Variants in EFCAB11 observed in about 807,000 individuals in gnomAD.
EFCAB11 encodes EF-hand calcium-binding domain-containing protein 11.
EFCAB11 carries 14 observed loss-of-function variants against 23.0 expected under a neutral mutation model. The ratio of observed to expected loss-of-function variants is 0.61; its 90% CI spans 0.40 to 0.95. The LOEUF (loss-of-function observed/expected upper bound fraction) is 0.95. EFCAB11 is among the 40% of genes least tolerant of loss of function. The pLI is 0.00. For synonymous variants in EFCAB11, 65 were observed against 66.6 expected, an observed-to-expected ratio of 0.98 and a Z score of 0.11; for missense variants, 198 against 195.8, an observed-to-expected ratio of 1.01 and a Z score of -0.07.
intron 5 of EFCAB11, among the ~76,000 whole-genome samples, chr14:89,882,563 T>C (rs1188193925): frequency 2.0e-5 from 3 of 152,178 alleles, no homozygotes; most frequent in African/African-American, 7.2e-5. Flanking sequence ...CTCTATCCAT[T>C]CACTCATCTA....
At chr14:89,814,717 AT>A (rs761246974) in intron 5 of EFCAB11, among the ~76,000 whole-genome samples, 36 of 151,682 alleles carry the variant, frequency 2.4e-4, no homozygotes, top group Middle Eastern at 3.4e-3. Context: ...AAAAAAAAAA[AT>A]CACCCAGCCC....
chr14:89,844,488 G>A (rs974740681), intron 5 of EFCAB11, among the ~76,000 whole-genome samples: 4 of 152,154 alleles, frequency 2.6e-5, no homozygotes, highest in Non-Finnish European at 1.5e-5. Context: ...GACCCCTGGC[G>A]GCCCTGGATC....
intron 5 of EFCAB11, among the ~76,000 whole-genome samples, chr14:89,897,278 G>A (rs767213294): frequency 1.6e-4 from 24 of 145,586 alleles, no homozygotes; most frequent in Non-Finnish European, 3.3e-4. Flanking sequence ...CGTGATCTTC[G>A]CTCACTGCAA....
chr14:89,802,722 T>C (rs1885828838), intron 5 of EFCAB11, among the ~76,000 whole-genome samples: 1 of 152,180 alleles, frequency 6.6e-6, no homozygotes, highest in Non-Finnish European at 1.5e-5. Flanking sequence ...AACATTTATA[T>C]TCTTTTGGGC....
intron 5 of EFCAB11, among the ~76,000 whole-genome samples, chr14:89,926,441 C>T (rs1890196905): frequency 6.6e-6 from 1 of 151,940 alleles, no homozygotes; most frequent in Non-Finnish European, 1.5e-5. Context: ...GGAGCTACTA[C>T]AAAATAACAA....
chr14:89,881,711 G>C (rs1888608398), intron 5 of EFCAB11, among the ~76,000 whole-genome samples: 1 of 151,572 alleles, frequency 6.6e-6, no homozygotes, highest in Non-Finnish European at 1.5e-5. Flanking sequence ...GCCTCACAAA[G>C]TGCTGGGATT....
At chr14:89,823,625 G>T (rs1886598012) in intron 5 of EFCAB11, among the ~76,000 whole-genome samples, 1 of 152,102 alleles carries the variant, frequency 6.6e-6, no homozygotes, top group African/African-American at 2.4e-5. Context: ...TCAGACAATG[G>T]AAACAGAATC....
chr14:89,914,274 G>A (rs1005533066), intron 5 of EFCAB11, among the ~76,000 whole-genome samples: 6 of 152,140 alleles, frequency 3.9e-5, no homozygotes, highest in East Asian at 1.9e-4. Flanking sequence ...GAGGGACTCC[G>A]GTCCTAAGGC....
At chr14:89,896,786 A>G (rs763632050) in intron 5 of EFCAB11, among the ~76,000 whole-genome samples, 1 of 152,146 alleles carries the variant, frequency 6.6e-6, no homozygotes, top group Non-Finnish European at 1.5e-5. Flanking sequence ...AAACTCCTGC[A>G]TCTTCAAACT....
Position 89,931,583 on chromosome 14 carries a change from AC to A in EFCAB11, c.367del (p.Val123TrpfsTer17). ...AGTCCTTTCCGGTAATTTGGGAGCC[AC>A]CTGCCTAAATGCTTTTTTGAAATCT... ...LEDFKKAFRQVAPKLPERTVL... is the reference protein window; with the variant it reads ...LEDFKKAFRQXAPKLPERTVL... On this transcript the variant is annotated frameshift_variant, in exon 5 of 6. Transcript: ENST00000316738. LOFTEE classifies it high-confidence loss of function. 1 of 1,614,204 alleles carries A rather than the reference AC, an allele frequency of 6.2e-7. No individual in the cohort carries two copies. Among genetic ancestry groups the A allele is most frequent in the Non-Finnish European group, 8.5e-7 (1 of 1,180,020 alleles).
intron 5 of EFCAB11, among the ~76,000 whole-genome samples, chr14:89,882,562 T>C (rs1208472665): frequency 6.6e-6 from 1 of 152,146 alleles, no homozygotes; most frequent in African/African-American, 2.4e-5. Flanking sequence ...TCTCTATCCA[T>C]TCACTCATCT....
At chr14:89,931,261 A>G (rs1890378874) in intron 5 of EFCAB11, 1 of 358,084 alleles carries the variant, frequency 2.8e-6, no homozygotes, top group African/African-American at 2.1e-5. Context: ...TATCTGAAGA[A>G]GTTCTTTCTT....
chr14:89,892,033 G>T (rs1397342694), intron 5 of EFCAB11: 15 of 1,538,780 alleles, frequency 9.7e-6, no homozygotes, highest in Non-Finnish European at 1.3e-5. Context: ...GCATCACCGG[G>T]TCCTTTTACC....
intron 3 of EFCAB11, among the ~76,000 whole-genome samples, chr14:89,935,434 C>T (rs1890546972): frequency 1.4e-5 from 2 of 141,000 alleles, no homozygotes; most frequent in Non-Finnish European, 3.0e-5. Flanking sequence ...CAGGGTCTTG[C>T]TCTCTTGCCC....
At chr14:89,942,823 T>C (rs914235494) in intron 3 of EFCAB11, among the ~76,000 whole-genome samples, 3 of 152,228 alleles carry the variant, frequency 2.0e-5, no homozygotes, top group African/African-American at 7.2e-5. Context: ...ACTTTACTCT[T>C]ATTTCTACTA....
intron 3 of EFCAB11, among the ~76,000 whole-genome samples, chr14:89,933,315 T>G (rs993607256): frequency 6.6e-6 from 1 of 152,210 alleles, no homozygotes; most frequent in Non-Finnish European, 1.5e-5. Flanking sequence ...GTAGTAGGTT[T>G]AAAGAGCGAA....
At chr14:89,944,032 T>C (rs1890882586) in intron 3 of EFCAB11, among the ~76,000 whole-genome samples, 1 of 152,194 alleles carries the variant, frequency 6.6e-6, no homozygotes, top group African/African-American at 2.4e-5. Context: ...ATGAGAATAA[T>C]GAATGTTAAA....
chr14:89,918,526 G>A (rs550062677), intron 5 of EFCAB11, among the ~76,000 whole-genome samples: 11 of 148,874 alleles, frequency 7.4e-5, no homozygotes, highest in South Asian at 2.1e-4. Flanking sequence ...GCAACAGAGC[G>A]AGACTCCATC....
chr14:89,912,688 C>T (rs564076369), intron 5 of EFCAB11, among the ~76,000 whole-genome samples: 56 of 152,196 alleles, frequency 3.7e-4, no homozygotes, highest in African/African-American at 1.2e-3. Flanking sequence ...CTATGTGCGA[C>T]GAAAGATAAA....
Sources: allele counts gnomAD v4.1 joint callset (sites outside exome capture counted in the v4.1 genomes callset), GRCh38; gene constraint gnomAD v4.1.1; transcripts MANE v1.5; gene names NCBI Gene and HGNC (gene_info 2026-07-23, HGNC 2026-07-21).